MKI67: variants seen among roughly 807,000 people sequenced by gnomAD.
The protein encoded by MKI67 is proliferation marker protein Ki-67.
A neutral mutation model predicts 233.5 loss-of-function variants in MKI67; 152 were observed. The ratio of observed to expected loss-of-function variants is 0.65; its 90% CI spans 0.57 to 0.74. MKI67 has a LOEUF of 0.74. Ranked by LOEUF, MKI67 falls within the 30% of genes least tolerant of loss-of-function variation. The pLI is 0.00. For synonymous variants in MKI67, 1,465 were observed against 1,418.5 expected (o/e 1.03, Z -0.74); for missense variants, 3,940 against 3,885.2 (o/e 1.01, Z -0.37).
Position 128,113,475 on chromosome 10 carries a change from T to C in MKI67, c.1608A>G (p.Arg536=), listed in dbSNP as rs2136143461. ...PLKRGEAPTK[R]KSLVMHTPPV... Reference sequence around the variant, plus strand: ...GTGGAGTGTGCATTACCAGAGACTTTCTTTTGGTTGGGGCTTCTCCCCTTT... The same window carrying C: ...GTGGAGTGTGCATTACCAGAGACTTCCTTTTGGTTGGGGCTTCTCCCCTTT... Residue 536 remains arginine, a synonymous_variant, in exon 8 of 15, where the codon AGA becomes AGG. Coordinates refer to ENST00000368654, the MANE Select transcript of MKI67 (RefSeq NM_002417.5). The C allele has an allele frequency of 6.2e-7, 1 of 1,614,192 alleles. No homozygotes were observed. Among genetic ancestry groups the C allele is most frequent in the Non-Finnish European group, 8.5e-7 (1 of 1,180,028 alleles).
At chr10:128,113,357 A>T in intron 8 of MKI67, 70 bp downstream of exon 8, 1 of 1,448,734 alleles carries the variant, frequency 6.9e-7, no homozygotes. Context: ...TTGTGTCAGT[A>T]TTTGGAAAGG....
chr10:128,107,287 A>T lies in MKI67; in HGVS notation c.4553T>A (p.Val1518Glu), dbSNP rs770574651. The T allele has an allele frequency of 1.2e-6, 2 of 1,613,334 alleles. No homozygotes were observed. Among genetic ancestry groups the T allele is most frequent in the Non-Finnish European group, 1.7e-6 (2 of 1,179,834 alleles). The stretch of plus-strand genomic sequence containing the variant: ...TGCGAAGAATTCTTCTTCTACGTCC[A>T]CTTTCCTGAGACTTCTCTTGGACTG... ...KPQSKRSLRK[V>E]DVEEEFFALR... The change falls in exon 13 of 15, where the codon GTG becomes GAG. Residue 1518 changes from valine (V) to glutamate (E), a missense_variant. Coordinates refer to ENST00000368654, the MANE Select transcript of MKI67 (RefSeq NM_002417.5).
In MKI67 at chr10:128,115,971, A is replaced by C; in HGVS notation, c.437T>G (p.Ile146Ser). 3.1e-6 allele frequency: 5 copies of C among 1,606,428 alleles called. No individual in the cohort carries two copies. Among genetic ancestry groups the C allele is most frequent in the Non-Finnish European group, 4.2e-6 (5 of 1,178,104 alleles). Residue 146 changes from isoleucine to serine, a missense_variant, in exon 7 of 15, where the codon ATC (isoleucine) becomes AGC (serine). Ile to Ser is a moderately radical substitution (Grantham distance 142). Coordinates refer to ENST00000368654, the MANE Select transcript of MKI67 (RefSeq NM_002417.5). ...ATTTCCTGAAACTTTTCCTTCAGTG[A>C]TTTTTGAATAGGCCTTGGAATCTTG... ...KAQDSKAYSKITEGKVSGNPQ... is the reference protein window; with the variant it reads ...KAQDSKAYSKSTEGKVSGNPQ...
chr10:128,113,282 T>C (rs1053102751), intron 8 of MKI67, 145 bp downstream of exon 8: 16 of 998,030 alleles, frequency 1.6e-5, no homozygotes, highest in Non-Finnish European at 2.2e-5. Flanking sequence ...TCAATGAGCT[T>C]TCATTCGTCT....
rs368584772 is a variant in MKI67 at position 128,107,743 on chromosome 10, C to T, written c.4097G>A (p.Gly1366Asp). 7.4e-6 allele frequency: 12 copies of T among 1,613,454 alleles called. No individual in the cohort carries two copies. In the East Asian group the frequency reaches 1.6e-4, roughly 21 times the overall value. ...TTCGCAGGGCATTTTAGTAGTTTTG[C>T]CAGCAGCCACTGCTTCTTCAGTATG... ...PGHTEEAVAA[G>D]KTTKMPCESS... The change falls in exon 13 of 15, where the codon GGC becomes GAC. Residue 1366 changes from glycine to aspartate, a missense_variant. Transcript: ENST00000368654.
chr10:128,118,626 C>T (rs1363324534), intron 5 of MKI67, among the ~76,000 whole-genome samples: 2 of 152,154 alleles, frequency 1.3e-5, no homozygotes, highest in Non-Finnish European at 2.9e-5. Context: ...TTTTAATAAG[C>T]TGTACAACTA....
In MKI67 at chr10:128,107,190, GT is replaced by G; in HGVS notation, c.4649del (p.Asn1550ThrfsTer15). ...TPKPAVSGEK[N>X]IYAFMGTPVQ... ...CTGGAGTTCCCATAAATGCGTAGAT[GT>G]TTTTCTCACCACTTACTGCTGGTTT... On this transcript the variant is annotated frameshift_variant, in exon 13 of 15. Coordinates refer to ENST00000368654, the MANE Select transcript of MKI67 (RefSeq NM_002417.5). LOFTEE classifies it high-confidence loss of function. The G allele has an allele frequency of 6.2e-7, 1 of 1,614,094 alleles. No individual in the cohort carries two copies. The highest frequency in any genetic ancestry group is 1.1e-5 in the South Asian group (1 of 91,072).
chr10:128,119,136 A>G, intron 5 of MKI67, 117 bp downstream of exon 5: 1 of 725,794 alleles, frequency 1.4e-6, no homozygotes, highest in South Asian at 1.6e-5. Context: ...ACATTTTCCT[A>G]CTATAACAGT....
At position 128,115,299 on chromosome 10, in the gene MKI67, C is replaced by T; in HGVS notation, c.1109G>A (p.Gly370Asp). 4.3e-6 allele frequency: 7 copies of T among 1,614,044 alleles called. No homozygotes were observed. The highest frequency in any genetic ancestry group is 1.3e-5 in the African/African-American group (1 of 75,008). The change falls in exon 7 of 15, where the codon GGT (glycine) becomes GAT (aspartate). Residue 370 changes from glycine to aspartate, a missense_variant. Transcript: ENST00000368654. ...ACCCAGATTCACAGATTCTCTTCTA[C>T]CAGTAGTATACAGGTCTTTGTTCTT... ...KHKNKDLYTT[G>D]RRESVNLGKS...
chr10:128,104,272 T>A lies in MKI67; in HGVS notation c.7568A>T (p.Lys2523Ile). ...CTGCTTTGGAGACTCCTTAAACGCT[T>A]TGATGCTCTTACTATCTCCTGTTGG... ...TEPTGDSKSI[K>I]AFKESPKQIL... The change falls in exon 13 of 15, where the codon AAA becomes ATA. Residue 2523 changes from lysine to isoleucine, a missense_variant. Coordinates refer to ENST00000368654, the MANE Select transcript of MKI67 (RefSeq NM_002417.5). 6.2e-7 allele frequency: 1 copy of A among 1,614,158 alleles called. No homozygotes were observed. The highest frequency in any genetic ancestry group is 8.5e-7 in the Non-Finnish European group (1 of 1,180,032).
At position 128,111,857 on chromosome 10, in the gene MKI67, T is replaced by A. The variant is rs777411249; in HGVS notation, c.2089-41A>T. ...AGGAGGTAAACAGGACATTAAAGCA[T>A]AAATCCACACTGAATGCAAGCTTCG... On this transcript the variant is annotated intron_variant, in intron 10 of 14. Coordinates refer to ENST00000368654, the MANE Select transcript of MKI67 (RefSeq NM_002417.5). 6 of 1,609,634 alleles carry A rather than the reference T, an allele frequency of 3.7e-6. No homozygotes were observed. In the African/African-American group the frequency reaches 5.4e-5, roughly 14 times the overall value.
At position 128,106,709 on chromosome 10, in the gene MKI67, C is replaced by A. The variant is rs774556393; in HGVS notation, c.5131G>T (p.Ala1711Ser). Residue 1711 changes from alanine to serine, a missense_variant, in exon 13 of 15, where the codon GCC (alanine) becomes TCC (serine). By Grantham distance (99) the Ala-to-Ser change is moderately conservative. Transcript: ENST00000368654. ...KGKSEVPEDL[A>S]GFIELFQTPS... is the part of the protein sequence containing the mutation. ...GTCTGGAAGAGCTCGATGAAGCCGG[C>A]CAGGTCTTCAGGGACTTCAGACTTT... 14 of 1,613,940 alleles carry A rather than the reference C, an allele frequency of 8.7e-6. No individual in the cohort carries two copies. In the South Asian group the frequency reaches 1.4e-4, roughly 16 times the overall value.
rs1852602037 is a variant in MKI67 at position 128,108,936 on chromosome 10, C to A, written c.2904G>T (p.Lys968Asn). 6 of 1,614,118 alleles carry A rather than the reference C, an allele frequency of 3.7e-6. No homozygotes were observed. The East Asian group carries it at 1.3e-4, about 36-fold the overall frequency. The change falls in exon 13 of 15, where the codon AAG (lysine) becomes AAT (asparagine). Residue 968 changes from lysine (K) to asparagine (N), a missense_variant. By Grantham distance (94) the Lys-to-Asn change is moderately conservative. Transcript: ENST00000368654. ...CAPMSDLTDL[K>N]SLPDTELMKD... Reference sequence around the variant, plus strand: ...TCATGAGTTCTGTATCAGGCAAGCTCTTGAGGTCTGTCAGGTCAGACATTG... The same window carrying A: ...TCATGAGTTCTGTATCAGGCAAGCTATTGAGGTCTGTCAGGTCAGACATTG...
rs750545434 is a variant in MKI67 at position 128,108,087 on chromosome 10, G to A, written c.3753C>T (p.Cys1251=). The part of the protein sequence containing the change: ...VAAGKTTKIP[C]DSPQSDPVDT... ...CCACTGGGTCTGACTGTGGAGAGTCGCAGGGTATTTTAGTGGTTTTACCAG... is the reference window on the plus strand; with the variant it reads ...CCACTGGGTCTGACTGTGGAGAGTCACAGGGTATTTTAGTGGTTTTACCAG... The change falls in exon 13 of 15, where the codon TGC becomes TGT. Residue 1251 remains cysteine, a synonymous_variant. Transcript: ENST00000368654. 76 of 1,613,190 alleles carry A rather than the reference G, an allele frequency of 4.7e-5. No homozygotes were observed. The highest frequency in any genetic ancestry group is 8.3e-5 in the Admixed American group (5 of 59,902).
Position 128,105,630 on chromosome 10 carries a change from G to A in MKI67, c.6210C>T (p.Ala2070=). The change falls in exon 13 of 15, where the codon GCC becomes GCT. Residue 2070 remains alanine, a synonymous_variant. Coordinates refer to ENST00000368654, the MANE Select transcript of MKI67 (RefSeq NM_002417.5). The part of the protein sequence containing the change: ...ERWPRTPKEE[A]QSLEDLAGFK... ...AGCCGGCCAGGTCTTCTAGTGATTG[G>A]GCCTCTTCCTTAGGTGTTCTTGGCC... 6.2e-7 allele frequency: 1 copy of A among 1,613,588 alleles called. No homozygotes were observed. The highest frequency in any genetic ancestry group is 8.5e-7 in the Non-Finnish European group (1 of 1,179,902).
intron 5 of MKI67, 103 bp from the exon 6 acceptor site, chr10:128,116,639 G>A (rs1239924600): frequency 2.3e-5 from 26 of 1,118,124 alleles, no homozygotes; most frequent in Middle Eastern, 2.0e-4. Context: ...GGGCATGATG[G>A]CTCATGCCTG....
In MKI67 at chr10:128,126,233, C is replaced by G. The variant is rs1486073557; in HGVS notation, c.-224G>C. 2.6e-5 allele frequency: 4 copies of G among 153,136 alleles called. No individual in the cohort carries two copies. Among genetic ancestry groups the G allele is most frequent in the Non-Finnish European group, 4.4e-5 (3 of 68,700 alleles). 9.5% of individuals were successfully genotyped at this position (153,136 alleles called of 1,614,324 possible). A position where few individuals can be genotyped will look rare whatever the true frequency, so the allele number is the denominator to read the frequency against. ...TGCGCCCGCCACGCTCCGCACACAC[C>G]GGGCCGCAGCCCGCGGGGTCGCGTT... On this transcript the variant is annotated 5_prime_UTR_variant, in exon 1 of 15. Coordinates refer to ENST00000368654, the MANE Select transcript of MKI67 (RefSeq NM_002417.5).
chr10:128,108,891 C>A lies in MKI67; in HGVS notation c.2949G>T (p.Gln983His). ...TELMKDTARG[Q>H]NLLQTQDHAK... ...CATGATCTTGGGTTTGGAGGAGATTCTGGCCACGTGCCGTGTCTTTCATGA... is the reference window on the plus strand; with the variant it reads ...CATGATCTTGGGTTTGGAGGAGATTATGGCCACGTGCCGTGTCTTTCATGA... Residue 983 changes from glutamine to histidine, a missense_variant, in exon 13 of 15, where the codon CAG (glutamine) becomes CAT (histidine). Transcript: ENST00000368654. 1.9e-6 allele frequency: 3 copies of A among 1,614,206 alleles called. No homozygotes were observed. Among genetic ancestry groups the A allele is most frequent in the Non-Finnish European group, 2.5e-6 (3 of 1,180,046 alleles).
In MKI67 at chr10:128,105,790, T is replaced by C. The variant is rs768244910; in HGVS notation, c.6050A>G (p.Lys2017Arg). 1.9e-6 allele frequency: 3 copies of C among 1,614,234 alleles called. No individual in the cohort carries two copies. Among genetic ancestry groups the C allele is most frequent in the South Asian group, 1.1e-5 (1 of 91,090 alleles). Reference protein sequence around the residue: ...GVKEEVLPVGKLTQTSGKTTQ... With the variant: ...GVKEEVLPVGRLTQTSGKTTQ... The stretch of plus-strand genomic sequence containing the variant: ...GGTCTTCCCTGACGTCTGTGTGAGC[T>C]TGCCGACTGGTAGGACCTCTTCTTT... Residue 2017 changes from lysine (K) to arginine (R), a missense_variant, in exon 13 of 15, where the codon AAG becomes AGG. Coordinates refer to ENST00000368654, the MANE Select transcript of MKI67 (RefSeq NM_002417.5).
Sources: allele counts gnomAD v4.1 joint callset (sites outside exome capture counted in the v4.1 genomes callset), GRCh38; gene constraint gnomAD v4.1.1; transcripts MANE v1.5; gene names NCBI Gene and HGNC (gene_info 2026-07-23, HGNC 2026-07-21).